TARS3: variants seen among roughly 807,000 people sequenced by gnomAD.
TARS3 encodes threonine--tRNA ligase 2, cytoplasmic.
A neutral mutation model predicts 103.5 loss-of-function variants in TARS3; 94 were observed. The observed-to-expected ratio is 0.91, with a 90% confidence interval of 0.77 to 1.08. The LOEUF (loss-of-function observed/expected upper bound fraction) is 1.08, where lower values mean the gene tolerates loss of function less well. Among genes scored for constraint, TARS3 ranks in the 50% least tolerant of loss-of-function variants. The probability of loss-of-function intolerance (pLI) is 0.00; values close to 1 mark genes in which losing one functional copy is unlikely to be tolerated. For synonymous variants in TARS3, 416 were observed against 355.4 expected (o/e 1.17, Z -1.92); for missense variants, 952 against 995.2 (o/e 0.96, Z 0.58).
chr15:101,714,797 C>T (rs1293377612), intron 4 of TARS3, 43 bp downstream of exon 4: 2 of 1,590,588 alleles, frequency 1.3e-6, no homozygotes, highest in Admixed American at 1.7e-5. Flanking sequence ...TAGTTTACAA[C>T]ATAACTACCC....
chr15:101,684,037 T>C, intron 12 of TARS3, 38 bp downstream of exon 12: 1 of 1,589,618 alleles, frequency 6.3e-7, no homozygotes, highest in Non-Finnish European at 8.6e-7. Context: ...TCACACTCAA[T>C]TTGTGACCAC....
At chr15:101,654,798 C>T (rs868054138) in intron 18 of TARS3, 68 bp from the exon 19 acceptor site, 2 of 1,445,918 alleles carry the variant, frequency 1.4e-6, no homozygotes, top group Middle Eastern at 3.6e-4. Context: ...GTCAGCAGTC[C>T]CATGACATGT....
intron 13 of TARS3, among the ~76,000 whole-genome samples, chr15:101,673,077 C>T (rs574584675): frequency 6.5e-4 from 99 of 152,312 alleles, no homozygotes; most frequent in Middle Eastern, 3.4e-3. Context: ...CTCTTTCAAA[C>T]CATTTCAGAC....
intron 9 of TARS3, among the ~76,000 whole-genome samples, chr15:101,701,881 T>C (rs1232622435): frequency 6.6e-6 from 1 of 152,208 alleles, no homozygotes; most frequent in African/African-American, 2.4e-5. Flanking sequence ...GCCCAAGTGA[T>C]TCTCCTGCCT....
intron 6 of TARS3, 40 bp from the exon 7 acceptor site, chr15:101,705,787 G>A (rs1244287112): frequency 6.8e-7 from 1 of 1,459,936 alleles, no homozygotes; most frequent in African/African-American, 1.4e-5. Flanking sequence ...TACACACAAT[G>A]TTGAAATGAA....
At chr15:101,698,635 G>C (rs1461861680) in intron 10 of TARS3, among the ~76,000 whole-genome samples, 1 of 152,180 alleles carries the variant, frequency 6.6e-6, no homozygotes, top group Non-Finnish European at 1.5e-5. Flanking sequence ...ATTTTACAAT[G>C]TGAGGGAGAT....
At position 101,724,444 on chromosome 15, in the gene TARS3, G is replaced by A; in HGVS notation, c.-57C>T. The stretch of plus-strand genomic sequence containing the variant: ...GGGTGCCCGCGACTGCGGCGAGGGC[G>A]ACGCGGACACTCAGCGCACGGCAGA... On this transcript the variant is annotated 5_prime_UTR_variant, in exon 1 of 19. Coordinates refer to ENST00000335968, the MANE Select transcript of TARS3 (RefSeq NM_152334.3). 1 of 1,354,334 alleles carries A rather than the reference G, an allele frequency of 7.4e-7. No homozygotes were observed. Among genetic ancestry groups the A allele is most frequent in the Non-Finnish European group, 9.4e-7 (1 of 1,060,726 alleles). 83.9% of individuals were successfully genotyped at this position (1,354,334 alleles called of 1,614,324 possible).
intron 10 of TARS3, among the ~76,000 whole-genome samples, chr15:101,691,506 CT>C (rs1410413515): frequency 2.7e-5 from 4 of 149,422 alleles, no homozygotes; most frequent in Admixed American, 2.0e-4. Context: ...TCTCGAACTC[CT>C]GGCTTCAAGC....
chr15:101,657,637 T>C (rs1032393637), intron 17 of TARS3, 148 bp downstream of exon 17: 3 of 514,166 alleles, frequency 5.8e-6, no homozygotes, highest in East Asian at 3.2e-5. Context: ...AGAGACATGA[T>C]TCGTGTGTTA....
intron 5 of TARS3, among the ~76,000 whole-genome samples, chr15:101,711,189 G>C (rs1310038277): frequency 6.6e-6 from 1 of 152,146 alleles, no homozygotes; most frequent in Non-Finnish European, 1.5e-5. Flanking sequence ...CCATGCTCTA[G>C]CAAGTCCAAG....
Position 101,705,663 on chromosome 15 carries a change from T to A in TARS3, c.995+20A>T. On this transcript the variant is annotated intron_variant, in intron 7 of 18. Coordinates refer to ENST00000335968, the MANE Select transcript of TARS3 (RefSeq NM_152334.3). Reference sequence around the variant, plus strand: ...TTCAAGTTTACCACTGAGCAGCGTTTACCATGTGTGGACACAAACCTGTAC... The same window carrying A: ...TTCAAGTTTACCACTGAGCAGCGTTAACCATGTGTGGACACAAACCTGTAC... The A allele has an allele frequency of 6.2e-7, 1 of 1,605,316 alleles. No individual in the cohort carries two copies. Among genetic ancestry groups the A allele is most frequent in the South Asian group, 1.1e-5 (1 of 89,684 alleles).
Position 101,701,175 on chromosome 15 carries a change from G to A in TARS3, c.1231C>T (p.Leu411Phe). Residue 411 changes from leucine to phenylalanine, a missense_variant, in exon 10 of 19, where the codon CTT becomes TTT. By Grantham distance (22) the Leu-to-Phe change is conservative. Coordinates refer to ENST00000335968, the MANE Select transcript of TARS3 (RefSeq NM_152334.3). The stretch of plus-strand genomic sequence containing the variant: ...GGACTCAAATCGTGGAAAAAGAAAA[G>A]TTCTTGTTCCTAGATTGAAACAAAA... ...DHRKIGKEQE[L>F]FFFHDLSPGS... 2 of 1,589,080 alleles carry A rather than the reference G, an allele frequency of 1.3e-6. No individual in the cohort carries two copies. The highest frequency in any genetic ancestry group is 1.7e-6 in the Non-Finnish European group (2 of 1,172,798).
intron 6 of TARS3, among the ~76,000 whole-genome samples, chr15:101,707,892 A>G (rs1899649353): frequency 6.6e-6 from 1 of 152,244 alleles, no homozygotes; most frequent in African/African-American, 2.4e-5. Context: ...ATTTTTTACC[A>G]AAACCAACTC....
At chr15:101,663,259 T>C (rs1183338286) in intron 15 of TARS3, among the ~76,000 whole-genome samples, 1 of 152,214 alleles carries the variant, frequency 6.6e-6, no homozygotes, top group Non-Finnish European at 1.5e-5. Flanking sequence ...TTGTTACATA[T>C]GTATACATGA....
intron 15 of TARS3, among the ~76,000 whole-genome samples, chr15:101,670,780 A>G (rs559967664): frequency 6.6e-6 from 1 of 152,356 alleles, no homozygotes; most frequent in Non-Finnish European, 1.5e-5. Context: ...GAGAGATTGG[A>G]TCCACAATGG....
rs191589090 is a variant in TARS3, at chr15:101,712,696, G to A, written c.691-695C>T. Reference sequence around the variant, plus strand: ...TTGAGTTCCCAAGGAATTCATTTTAGTTTATGGATAAACTGAAATTAACCA... The same window carrying A: ...TTGAGTTCCCAAGGAATTCATTTTAATTTATGGATAAACTGAAATTAACCA... On this transcript the variant is annotated intron_variant, in intron 4 of 18. Coordinates refer to ENST00000335968, the MANE Select transcript of TARS3 (RefSeq NM_152334.3). Among the ~76,000 whole-genome samples the A allele has an allele frequency of 7.2e-5, 11 of 152,306 alleles. No individual in the cohort carries two copies. The East Asian group carries it at 2.1e-3, about 29-fold the overall frequency.
chr15:101,723,283 T>C, intron 1 of TARS3, 119 bp from the exon 2 acceptor site: 1 of 797,356 alleles, frequency 1.3e-6, no homozygotes, highest in Non-Finnish European at 2.1e-6. Flanking sequence ...AGCTGGGCTC[T>C]CCTGACCACC....
At chr15:101,702,901 TAG>T (rs1393491775) in intron 8 of TARS3, among the ~76,000 whole-genome samples, 1 of 152,176 alleles carries the variant, frequency 6.6e-6, no homozygotes, top group Non-Finnish European at 1.5e-5. Context: ...GCAAATTATG[TAG>T]AGTCTGCTAT....
At chr15:101,678,841 C>G (rs1440486964) in intron 12 of TARS3, among the ~76,000 whole-genome samples, 1 of 152,160 alleles carries the variant, frequency 6.6e-6, no homozygotes, top group African/African-American at 2.4e-5. Flanking sequence ...TACAGCCATT[C>G]TTTTGGTGGG....
Sources: allele counts gnomAD v4.1 joint callset (sites outside exome capture counted in the v4.1 genomes callset), GRCh38; gene constraint gnomAD v4.1.1; transcripts MANE v1.5; gene names NCBI Gene and HGNC (gene_info 2026-07-23, HGNC 2026-07-21).